MTUS2: variants seen among roughly 807,000 people sequenced by gnomAD.
MTUS2 encodes microtubule associated scaffold protein 2.
A neutral mutation model predicts 114.1 loss-of-function variants in MTUS2; 40 were observed. That is an observed-to-expected ratio of 0.35 (90% CI 0.27 to 0.46). The LOEUF (loss-of-function observed/expected upper bound fraction) is 0.46, where lower values mean the gene tolerates loss of function less well. MTUS2 is among the 20% of genes least tolerant of loss of function. MTUS2 has a pLI of 1.00. For synonymous variants in MTUS2, 688 were observed against 672.0 expected, an observed-to-expected ratio of 1.02 and a Z score of -0.37; for missense variants, 1,679 against 1,705.4, an observed-to-expected ratio of 0.98 and a Z score of 0.27.
intron 7 of MTUS2, among the ~76,000 whole-genome samples, chr13:29,350,005 C>G (rs1343308609): frequency 1.3e-5 from 2 of 152,122 alleles, no homozygotes; most frequent in East Asian, 1.9e-4. Context: ...TATTAGGCCT[C>G]TTCAAGTTGC....
At chr13:29,119,993 A>G (rs1214722687) in intron 5 of MTUS2, among the ~76,000 whole-genome samples, 1 of 152,262 alleles carries the variant, frequency 6.6e-6, no homozygotes, top group African/African-American at 2.4e-5. Context: ...GGCATAGGAC[A>G]TAAATAAATG....
intron 4 of MTUS2, among the ~76,000 whole-genome samples, chr13:29,097,334 A>G (rs917052517): frequency 3.3e-5 from 5 of 152,202 alleles, no homozygotes; most frequent in African/African-American, 9.6e-5. Context: ...TTATTTTACC[A>G]GTTATGTTTG....
intron 1 of MTUS2, among the ~76,000 whole-genome samples, chr13:28,832,709 G>A (rs1874782229): frequency 1.4e-5 from 2 of 147,216 alleles, no homozygotes; most frequent in South Asian, 4.2e-4. Flanking sequence ...ATAAAAATAA[G>A]TACACAATGT....
chr13:29,447,042 C>T (rs557420698), intron 9 of MTUS2, among the ~76,000 whole-genome samples: 3 of 152,200 alleles, frequency 2.0e-5, no homozygotes, highest in African/African-American at 7.2e-5. Flanking sequence ...AAAAGAAATG[C>T]TGATTGGATA....
chr13:28,898,113 G>A (rs926024268), intron 2 of MTUS2, among the ~76,000 whole-genome samples: 3 of 152,154 alleles, frequency 2.0e-5, no homozygotes, highest in African/African-American at 7.2e-5. Flanking sequence ...AGATGTGTTT[G>A]ATGCAGGAAC....
intron 2 of MTUS2, among the ~76,000 whole-genome samples, chr13:28,921,510 A>G (rs1344249041): frequency 6.6e-6 from 1 of 152,096 alleles, no homozygotes; most frequent in African/African-American, 2.4e-5. Flanking sequence ...GGGTGGTGCA[A>G]GCACTTCCTT....
intron 9 of MTUS2, among the ~76,000 whole-genome samples, chr13:29,447,903 T>G (rs1037627480): frequency 6.6e-6 from 1 of 152,198 alleles, no homozygotes; most frequent in Non-Finnish European, 1.5e-5. Flanking sequence ...TTGATTTTTC[T>G]GATGGAACAC....
At chr13:28,969,442 A>G (rs969205454) in intron 2 of MTUS2, among the ~76,000 whole-genome samples, 3 of 152,154 alleles carry the variant, frequency 2.0e-5, no homozygotes, top group Admixed American at 6.5e-5. Flanking sequence ...ATTTGAAACC[A>G]TGAAATATAT....
chr13:29,209,156 A>G (rs746835565), intron 5 of MTUS2, among the ~76,000 whole-genome samples: 2 of 152,114 alleles, frequency 1.3e-5, no homozygotes, highest in African/African-American at 2.4e-5. Flanking sequence ...CCTTTGGACT[A>G]GTCCTTTTAT....
intron 5 of MTUS2, among the ~76,000 whole-genome samples, chr13:29,232,042 G>T (rs751347282): frequency 2.6e-5 from 4 of 152,038 alleles, no homozygotes; most frequent in African/African-American, 9.7e-5. Flanking sequence ...TTTACATTTG[G>T]CCTAAGAGTT....
chr13:29,030,556 C>T (rs765351204), intron 3 of MTUS2, among the ~76,000 whole-genome samples: 1 of 152,072 alleles, frequency 6.6e-6, no homozygotes, highest in Non-Finnish European at 1.5e-5. Flanking sequence ...ATGATGTAAC[C>T]CAGCGAGTCC....
At chr13:28,890,225 T>A (rs1460116150) in intron 2 of MTUS2, among the ~76,000 whole-genome samples, 1 of 152,328 alleles carries the variant, frequency 6.6e-6, no homozygotes, top group East Asian at 1.9e-4. Flanking sequence ...TAGACAAGTA[T>A]GTTTCAAACA....
At chr13:29,292,552 A>G (rs1475370704) in intron 6 of MTUS2, among the ~76,000 whole-genome samples, 3 of 152,186 alleles carry the variant, frequency 2.0e-5, no homozygotes, top group African/African-American at 4.8e-5. Flanking sequence ...GAGGCCTATA[A>G]TCTTATTATC....
chr13:29,350,022 G>A (rs1869087820), intron 7 of MTUS2, among the ~76,000 whole-genome samples: 1 of 151,938 alleles, frequency 6.6e-6, no homozygotes, highest in African/African-American at 2.4e-5. Flanking sequence ...TTGCCCCAGA[G>A]CTCCTGTTCA....
chr13:29,052,412 C>T (rs1159644285), intron 4 of MTUS2, among the ~76,000 whole-genome samples: 2 of 117,292 alleles, frequency 1.7e-5, no homozygotes, highest in South Asian at 2.9e-4. Flanking sequence ...ACCTGGGAGG[C>T]GGAGGTTGCA....
At chr13:29,246,405 C>A (rs546081946) in intron 5 of MTUS2, among the ~76,000 whole-genome samples, 2 of 152,194 alleles carry the variant, frequency 1.3e-5, no homozygotes, top group Admixed American at 1.3e-4. Flanking sequence ...CTCCTCTCCC[C>A]GGATCTCCTG....
chr13:29,393,651 C>T (rs757578500), intron 8 of MTUS2, among the ~76,000 whole-genome samples: 4 of 152,194 alleles, frequency 2.6e-5, no homozygotes, highest in African/African-American at 4.8e-5. Context: ...AGACAAGTCT[C>T]AGTCAATTTA....
At chr13:29,258,049 A>G (rs1477334530) in intron 5 of MTUS2, among the ~76,000 whole-genome samples, 1 of 152,220 alleles carries the variant, frequency 6.6e-6, no homozygotes, top group Non-Finnish European at 1.5e-5. Flanking sequence ...ATTGCTGCCT[A>G]ACTAATTAGC....
intron 8 of MTUS2, among the ~76,000 whole-genome samples, chr13:29,384,581 G>T (rs1326935023): frequency 6.6e-6 from 1 of 152,146 alleles, no homozygotes; most frequent in Non-Finnish European, 1.5e-5. Context: ...TAAGATAAAG[G>T]CCTCTGCTAC....
Sources: allele counts gnomAD v4.1 joint callset (sites outside exome capture counted in the v4.1 genomes callset), GRCh38; gene constraint gnomAD v4.1.1; transcripts MANE v1.5; gene names NCBI Gene and HGNC (gene_info 2026-07-23, HGNC 2026-07-21).